SALL4: variants seen among roughly 807,000 people sequenced by gnomAD.
The protein encoded by SALL4 is spalt like transcription factor 4.
In SALL4, 4 loss-of-function variants were observed where a neutral mutation model predicts 60.8. The observed-to-expected ratio is 0.07, with a 90% CI of 0.03 to 0.15. The LOEUF (loss-of-function observed/expected upper bound fraction) is 0.15, where lower values mean the gene tolerates loss of function less well. Ranked by LOEUF, SALL4 falls within the 10% of genes least tolerant of loss-of-function variation. SALL4 has a pLI of 1.00. For missense variants in SALL4, 1,178 were observed against 1,394.7 expected, an observed-to-expected ratio of 0.84 and a Z score of 2.48; for synonymous variants, 580 against 574.9, an observed-to-expected ratio of 1.01 and a Z score of -0.13.
Position 51,802,484 on chromosome 20 carries a change from T to C in SALL4, c.-76A>G, listed in dbSNP as rs945654802. The C allele has an allele frequency of 4.4e-6, 7 of 1,605,024 alleles. No individual in the cohort carries two copies. The highest frequency in any genetic ancestry group is 4.0e-5 in the African/African-American group (3 of 74,824). On this transcript the variant is annotated 5_prime_UTR_variant, in exon 1 of 4. It removes the in-frame stop codon of an upstream open reading frame in the 5' UTR. Coordinates refer to ENST00000217086, the MANE Select transcript of SALL4 (RefSeq NM_020436.5). ...CACAAATTCCTGGAGTTGGGAAATT[T>C]ACCCCCCTTCGGCCGGAACGCGCAT...
chr20:51,792,860 C>A (rs2078057875), intron 1 of SALL4: 1 of 1,027,340 alleles, frequency 9.7e-7, no homozygotes, highest in Non-Finnish European at 1.2e-6. Flanking sequence ...TCTCTCGAAG[C>A]TACTTCATTG....
Position 51,791,892 on chromosome 20 carries a change from G to A in SALL4, c.591C>T (p.Ser197=), listed in dbSNP as rs764301551. The change falls in exon 2 of 4, where the codon AGC becomes AGT. Residue 197 remains serine, a synonymous_variant. Coordinates refer to ENST00000217086, the MANE Select transcript of SALL4 (RefSeq NM_020436.5). The surrounding 1 kb of genome is among the most constrained non-coding windows in gnomAD (Gnocchi z 4.6). The stretch of plus-strand genomic sequence containing the variant: ...GCACGGGGGCAGGGAGTGCATCCGC[G>A]CTCCGCTGATTCACCGCCACCTTGG... ...RGTKVAVNQR[S]ADALPAPVPG... 14 of 1,614,064 alleles carry A rather than the reference G, an allele frequency of 8.7e-6. No homozygotes were observed. The East Asian group carries it at 1.6e-4, about 18-fold the overall frequency.
In SALL4 at chr20:51,790,056, T is replaced by C; in HGVS notation, c.2427A>G (p.Ala809=). 1 of 1,614,236 alleles carries C rather than the reference T, an allele frequency of 6.2e-7. No homozygotes were observed. The highest frequency in any genetic ancestry group is 8.5e-7 in the Non-Finnish European group (1 of 1,180,044). ...CAGTGCGGCTGTTCTCGGAGCTCTC[T>C]GCTTTGCTCCCAGCATCGGGAGACT... The part of the protein sequence containing the change: ...KSKSPDAGSK[A]ESSENSRTEM... Residue 809 remains alanine, a synonymous_variant, in exon 2 of 4, where the codon GCA becomes GCG. Coordinates refer to ENST00000217086, the MANE Select transcript of SALL4 (RefSeq NM_020436.5). The surrounding 1 kb of genome is among the most constrained non-coding windows in gnomAD (Gnocchi z 5.5).
intron 1 of SALL4, among the ~76,000 whole-genome samples, chr20:51,793,231 G>T (rs2078060283): frequency 6.6e-6 from 1 of 152,100 alleles, no homozygotes; most frequent in South Asian, 2.1e-4. Flanking sequence ...GGGTGCAGTG[G>T]CTCGCACCAG....
intron 3 of SALL4, 124 bp from the exon 4 acceptor site, chr20:51,784,808 C>G: frequency 1.8e-6 from 2 of 1,138,012 alleles, no homozygotes; most frequent in Non-Finnish European, 2.6e-6. Context: ...TGATCCTTGA[C>G]TTACAGCGGG....
At chr20:51,800,122 A>G (rs2078100782) in intron 1 of SALL4, among the ~76,000 whole-genome samples, 1 of 152,166 alleles carries the variant, frequency 6.6e-6, no homozygotes, top group Non-Finnish European at 1.5e-5. Context: ...GCCAGGAGTT[A>G]TTACCAAGAA....
In SALL4 at chr20:51,791,636, C is replaced by A; in HGVS notation, c.847G>T (p.Gly283Cys). 2 of 1,613,998 alleles carry A rather than the reference C, an allele frequency of 1.2e-6. No homozygotes were observed. The highest frequency in any genetic ancestry group is 1.1e-5 in the South Asian group (1 of 91,088). ...TGTTTCAAGGCATCCAGAGACAGAC[C>A]TTGGCTTCCAGCTTTCTGGCTGAGC... ...ALLSQKAGSQ[G>C]LSLDALKQAK... The change falls in exon 2 of 4, where the codon GGT becomes TGT. Residue 283 changes from glycine to cysteine, a missense_variant. By Grantham distance (159) the Gly-to-Cys change is radical (BLOSUM62 -3). This residue lies in a region of SALL4 where 853 missense variants were observed against 1,036.8 expected (regional missense o/e 0.82). Coordinates refer to ENST00000217086, the MANE Select transcript of SALL4 (RefSeq NM_020436.5). The surrounding 1 kb of genome is among the most constrained non-coding windows in gnomAD (Gnocchi z 4.6).
intron 1 of SALL4, 137 bp downstream of exon 1, chr20:51,802,142 C>T: frequency 1.9e-6 from 2 of 1,044,050 alleles, no homozygotes; most frequent in South Asian, 1.7e-5. Flanking sequence ...GACCTCTCCT[C>T]CCGGGCACTG....
rs781154947 is a variant in SALL4, at chr20:51,791,358, G to A, written c.1125C>T (p.Asp375=). 1.2e-5 allele frequency: 19 copies of A among 1,614,056 alleles called. No homozygotes were observed. Among genetic ancestry groups the A allele is most frequent in the Admixed American group, 8.3e-5 (5 of 60,006 alleles). ...ACTTGTGCTTGTAGAGGGCCGCCTCGTCTTTGGGTTTGACATCCACCGCGG... is the reference window on the plus strand; with the variant it reads ...ACTTGTGCTTGTAGAGGGCCGCCTCATCTTTGGGTTTGACATCCACCGCGG... ...NISAVDVKPK[D]EAALYKHKCK... is the part of the protein sequence containing the mutation. The change falls in exon 2 of 4, where the codon GAC becomes GAT. Residue 375 remains aspartate (D), a synonymous_variant. Transcript: ENST00000217086. The surrounding 1 kb of genome is among the most constrained non-coding windows in gnomAD (Gnocchi z 4.6).
chr20:51,794,083 T>C (rs2078065933), intron 1 of SALL4, among the ~76,000 whole-genome samples: 1 of 152,260 alleles, frequency 6.6e-6, no homozygotes, highest in South Asian at 2.1e-4. Flanking sequence ...CTGGATTTAC[T>C]GATTCAACCA....
intron 1 of SALL4, among the ~76,000 whole-genome samples, chr20:51,802,006 A>G (rs1384517567): frequency 6.6e-6 from 1 of 151,700 alleles, no homozygotes; most frequent in Non-Finnish European, 1.5e-5. Context: ...GGGAGCGAGA[A>G]CAGAGGAGCG....
chr20:51,798,567 A>G (rs753135074), intron 1 of SALL4, among the ~76,000 whole-genome samples: 2 of 152,198 alleles, frequency 1.3e-5, no homozygotes, highest in Non-Finnish European at 2.9e-5. Flanking sequence ...ACTGTAGGCT[A>G]AAGGTGATGA....
chr20:51,794,117 C>T (rs1052033990), intron 1 of SALL4, among the ~76,000 whole-genome samples: 1 of 152,244 alleles, frequency 6.6e-6, no homozygotes, highest in Non-Finnish European at 1.5e-5. Flanking sequence ...CAATGCCTTA[C>T]AATAAAACAA....
intron 3 of SALL4, among the ~76,000 whole-genome samples, chr20:51,786,089 G>GTT (rs763670225): frequency 0.035 from 4,413 of 127,288 alleles, 213 homozygotes; most frequent in African/African-American, 0.076. Flanking sequence ...CCAGCTAATT[G>GTT]TTTTTTTTTT....
chr20:51,788,321 ATTTG>A lies in SALL4; in HGVS notation c.2742+536_2742+539del, dbSNP rs1222846933. On this transcript the variant is annotated intron_variant, in intron 3 of 3. Coordinates refer to ENST00000217086, the MANE Select transcript of SALL4 (RefSeq NM_020436.5). This position sits in a 1 kb window ranked among gnomAD's most constrained non-coding sequence, Gnocchi z 4.1. ...AAGCATGCAACACCATGCCCAACTA[ATTTG>A]TGTGTGTGTGTGTGTGTGTGTGTGT... is the stretch of plus-strand genomic sequence containing the variant. Among the ~76,000 whole-genome samples the A allele has an allele frequency of 8.9e-6, 1 of 112,892 alleles. No homozygotes were observed. Among genetic ancestry groups the A allele is most frequent in the Non-Finnish European group, 1.8e-5 (1 of 54,920 alleles). 74.1% of individuals were successfully genotyped at this position (112,892 alleles called of 152,430 possible).
chr20:51,789,435 A>T (rs2078018688), intron 2 of SALL4, among the ~76,000 whole-genome samples: 1 of 152,144 alleles, frequency 6.6e-6, no homozygotes, highest in African/African-American at 2.4e-5. Context: ...TTTAAAGCAT[A>T]TGCCCAGACA....
chr20:51,792,725 C>T, intron 1 of SALL4: 1 of 769,698 alleles, frequency 1.3e-6, no homozygotes, highest in Non-Finnish European at 1.7e-6. Flanking sequence ...AAAGGCTGAT[C>T]CCTGAATTTC....
intron 1 of SALL4, among the ~76,000 whole-genome samples, chr20:51,799,377 C>G (rs1044528261): frequency 6.6e-6 from 1 of 152,202 alleles, no homozygotes; most frequent in African/African-American, 2.4e-5. Context: ...ATTCTAAAAC[C>G]TGACTTCCCA....
In SALL4 at chr20:51,791,980, A is replaced by T; in HGVS notation, c.503T>A (p.Ile168Lys). Residue 168 changes from isoleucine (I) to lysine (K), a missense_variant, in exon 2 of 4, where the codon ATA (isoleucine) becomes AAA (lysine). By Grantham distance (102) the Ile-to-Lys change is moderately radical (BLOSUM62 -3). This residue lies in a region of SALL4 where 853 missense variants were observed against 1,036.8 expected (regional missense o/e 0.82). Transcript: ENST00000217086. The surrounding 1 kb of genome is among the most constrained non-coding windows in gnomAD (Gnocchi z 4.6). Reference sequence around the variant, plus strand: ...CACTTTGCCTTTGGCTAAATAGCTTATGTCCTGGGGGGTGGGTGGCAGGGC... The same window carrying T: ...CACTTTGCCTTTGGCTAAATAGCTTTTGTCCTGGGGGGTGGGTGGCAGGGC... ...ETALPPTPQD[I>K]SYLAKGKVAN... The T allele has an allele frequency of 1.2e-6, 2 of 1,614,106 alleles. No homozygotes were observed. The highest frequency in any genetic ancestry group is 1.7e-6 in the Non-Finnish European group (2 of 1,180,000).
Sources: gnomAD v4.1 joint callset for allele counts (sites outside exome capture counted in the v4.1 genomes callset) on GRCh38, gnomAD v4.1.1 for gene constraint, gnomAD v4.1.1 regional missense constraint, Gnocchi (gnomAD v3.1) non-coding constraint, MANE v1.5 for transcripts, NCBI Gene and HGNC (gene_info 2026-07-23, HGNC 2026-07-21) for gene names.